CDK8: variants seen among roughly 807,000 people sequenced by gnomAD.
CDK8 encodes cyclin dependent kinase 8, also known as cyclin-dependent kinase 8.
In CDK8, 29 loss-of-function variants were observed where a neutral mutation model predicts 71.5. The observed-to-expected ratio is 0.41, with a 90% CI of 0.30 to 0.55. The LOEUF is 0.55. Among genes scored for constraint, CDK8 ranks in the 20% least tolerant of loss-of-function variants. The pLI, the probability that CDK8 is intolerant of heterozygous loss-of-function variation, is 0.37. For missense variants in CDK8, 288 were observed against 572.6 expected, an observed-to-expected ratio of 0.50 and a Z score of 5.07; for synonymous variants, 161 against 192.1, an observed-to-expected ratio of 0.84 and a Z score of 1.34.
At chr13:26,365,420 G>A (rs1874342476) in intron 4 of CDK8, among the ~76,000 whole-genome samples, 2 of 152,046 alleles carry the variant, frequency 1.3e-5, no homozygotes, top group South Asian at 4.1e-4. Flanking sequence ...CAATAAAAAA[G>A]TGGCCCACTT....
intron 1 of CDK8, among the ~76,000 whole-genome samples, chr13:26,267,696 A>G (rs947605954): frequency 3.9e-5 from 6 of 152,192 alleles, no homozygotes; most frequent in African/African-American, 1.4e-4. Context: ...TATGTGTATA[A>G]TATACTGGTC....
At chr13:26,388,841 A>T (rs182566000) in intron 6 of CDK8, among the ~76,000 whole-genome samples, 3 of 152,252 alleles carry the variant, frequency 2.0e-5, no homozygotes, top group African/African-American at 7.2e-5. Flanking sequence ...GCCTTTCTTC[A>T]TATTTTCCTC....
intron 8 of CDK8, among the ~76,000 whole-genome samples, chr13:26,396,829 T>C (rs955236309): frequency 6.6e-6 from 1 of 152,128 alleles, no homozygotes; most frequent in Non-Finnish European, 1.5e-5. Flanking sequence ...TTTACACTTA[T>C]TGGTAAGGCT....
In CDK8 at chr13:26,254,456, C is replaced by T. The variant is rs888063065; in HGVS notation, c.-186C>T. 5.2e-5 allele frequency: 25 copies of T among 484,258 alleles called. No individual in the cohort carries two copies. Among genetic ancestry groups the T allele is most frequent in the Admixed American group, 7.9e-5 (2 of 25,294 alleles). 30.0% of individuals were successfully genotyped at this position (484,258 alleles called of 1,614,324 possible). Reference sequence around the variant, plus strand: ...CCGGCCGGCCTCTGCCCCGCCGTCCCCCTGGATGTCCCTGGCGCTTTCGCG... The same window carrying T: ...CCGGCCGGCCTCTGCCCCGCCGTCCTCCTGGATGTCCCTGGCGCTTTCGCG... On this transcript the variant is annotated 5_prime_UTR_variant, in exon 1 of 13. Transcript: ENST00000381527. This position sits in a 1 kb window ranked among gnomAD's most constrained non-coding sequence, Gnocchi z 6.7.
At chr13:26,284,675 G>C (rs1872914903) in intron 1 of CDK8, among the ~76,000 whole-genome samples, 1 of 152,096 alleles carries the variant, frequency 6.6e-6, no homozygotes, top group African/African-American at 2.4e-5. Flanking sequence ...TTCACAGCTA[G>C]ATTCTATCAG....
chr13:26,306,550 G>C (rs1404353377), intron 1 of CDK8, among the ~76,000 whole-genome samples: 1 of 150,948 alleles, frequency 6.6e-6, no homozygotes, highest in Non-Finnish European at 1.5e-5. Context: ...AATGAAAAGA[G>C]AATCTGTTCA....
At chr13:26,361,784 C>CTTTTTTTTTTTTTTTTTTTTTT (rs553508554) in intron 4 of CDK8, among the ~76,000 whole-genome samples, 1 of 63,306 alleles carries the variant, frequency 1.6e-5, no homozygotes, top group African/African-American at 7.0e-5. Flanking sequence ...TTTCTTTTCC[C>CTTTTTTTTTTTTTTTTTTTTTT]TTTTTTTTTT....
At chr13:26,290,960 A>T (rs149154757) in intron 1 of CDK8, among the ~76,000 whole-genome samples, 2,186 of 152,032 alleles carry the variant, frequency 0.014, 19 homozygotes, top group African/African-American at 0.023. Context: ...ACTAAAAAAA[A>T]ATATAAAAAT....
chr13:26,308,220 G>A (rs767079123), intron 1 of CDK8, among the ~76,000 whole-genome samples: 15 of 152,192 alleles, frequency 9.9e-5, no homozygotes, highest in Non-Finnish European at 1.9e-4. Flanking sequence ...CCTTATATCC[G>A]GTGCTTCATA....
chr13:26,319,575 T>C (rs1214015705), intron 1 of CDK8, among the ~76,000 whole-genome samples: 1 of 152,202 alleles, frequency 6.6e-6, no homozygotes, highest in Admixed American at 6.5e-5. Flanking sequence ...CATAAGTCGA[T>C]GGAAACATAT....
At chr13:26,328,035 T>TA (rs1161371828) in intron 1 of CDK8, among the ~76,000 whole-genome samples, 1 of 151,062 alleles carries the variant, frequency 6.6e-6, no homozygotes, top group Admixed American at 6.6e-5. Context: ...ATACCAAAGA[T>TA]ACCACACCAA....
At chr13:26,291,655 C>T (rs143413827) in intron 1 of CDK8, among the ~76,000 whole-genome samples, 17 of 152,260 alleles carry the variant, frequency 1.1e-4, no homozygotes, top group Middle Eastern at 3.4e-3. Context: ...CTAATTTCAG[C>T]GTAATGGTAT....
intron 1 of CDK8, among the ~76,000 whole-genome samples, chr13:26,291,643 C>T (rs757189565): frequency 6.6e-6 from 1 of 152,116 alleles, no homozygotes; most frequent in Non-Finnish European, 1.5e-5. Flanking sequence ...TATTTTTTCT[C>T]TCTAATTTCA....
intron 1 of CDK8, among the ~76,000 whole-genome samples, chr13:26,303,766 G>A (rs888469728): frequency 1.3e-5 from 2 of 152,132 alleles, no homozygotes; most frequent in African/African-American, 4.8e-5. Flanking sequence ...TAAAAATCAT[G>A]TGTACTCTGC....
chr13:26,309,887 T>C (rs1874208633), intron 1 of CDK8, among the ~76,000 whole-genome samples: 1 of 152,124 alleles, frequency 6.6e-6, no homozygotes, highest in Admixed American at 6.5e-5. Flanking sequence ...CCCAGGTAAC[T>C]GGGATTACAG....
chr13:26,316,868 A>C (rs993621196), intron 1 of CDK8, among the ~76,000 whole-genome samples: 3 of 152,206 alleles, frequency 2.0e-5, no homozygotes, highest in Non-Finnish European at 2.9e-5. Flanking sequence ...ACCTGATGGC[A>C]GGTCAACTAG....
rs1184621808 is a variant in CDK8 at position 26,349,164 on chromosome 13, T to C, written c.297T>C (p.Tyr99=). ...ADRKVWLLFD[Y]AEHDLWHIIK... is the part of the protein sequence containing the mutation. ...GGAAGGTGTGGCTTCTGTTTGACTA[T>C]GCTGAACATGACCTCTGGGTAAGGT... Residue 99 remains tyrosine (Y), a synonymous_variant, in exon 3 of 13, where the codon TAT becomes TAC. Transcript: ENST00000381527. 2 of 1,602,220 alleles carry C rather than the reference T, an allele frequency of 1.2e-6. No individual in the cohort carries two copies. Among genetic ancestry groups the C allele is most frequent in the Admixed American group, 1.7e-5 (1 of 59,722 alleles).
intron 4 of CDK8, among the ~76,000 whole-genome samples, chr13:26,378,804 TTAAAA>T (rs1344561719): frequency 6.6e-6 from 1 of 152,206 alleles, no homozygotes; most frequent in Non-Finnish European, 1.5e-5. Context: ...GTGCTAGAGC[TTAAAA>T]ACTGCTACCA....
At chr13:26,392,658 G>A (rs994267351) in intron 6 of CDK8, among the ~76,000 whole-genome samples, 1 of 152,024 alleles carries the variant, frequency 6.6e-6, no homozygotes, top group African/African-American at 2.4e-5. Flanking sequence ...GTAATATTTT[G>A]CTTTTGCTTC....
Sources: allele counts gnomAD v4.1 joint callset (sites outside exome capture counted in the v4.1 genomes callset), GRCh38; gene constraint gnomAD v4.1.1; non-coding constraint Gnocchi (gnomAD v3.1); transcripts MANE v1.5; gene names NCBI Gene and HGNC (gene_info 2026-07-23, HGNC 2026-07-21).